Variants in GPT observed in about 807,000 individuals in gnomAD.
GPT encodes glutamic--pyruvic transaminase, also known as alanine aminotransferase 1.
GPT carries 60 observed loss-of-function variants against 51.4 expected under a neutral mutation model. The observed-to-expected ratio is 1.17, with a 90% CI of 0.95 to 1.45. GPT has a LOEUF of 1.45. GPT is among the 40% of genes most tolerant of loss of function. The pLI, the probability that GPT is intolerant of heterozygous loss-of-function variation, is 0.00. For synonymous variants in GPT, 397 were observed against 303.1 expected, an observed-to-expected ratio of 1.31 and a Z score of -3.22; for missense variants, 853 against 704.0, an observed-to-expected ratio of 1.21 and a Z score of -2.40.
chr8:144,504,750 C>T (rs377705965), intron 2 of GPT, 21 bp from the exon 3 acceptor site: 7 of 1,613,048 alleles, frequency 4.3e-6, no homozygotes, highest in African/African-American at 2.7e-5. Context: ...GTGCCCTGGC[C>T]TCAGCACTCC....
In GPT at chr8:144,504,672, G is replaced by A. The variant is rs116684584; in HGVS notation, c.231G>A (p.Arg77=). 8.3e-4 allele frequency: 1,342 copies of A among 1,613,276 alleles called. 17 individuals are homozygous for A. In the African/African-American group the frequency reaches 0.014, roughly 17 times the overall value. ...GGGACGCACAGGCTATGGGGCAGAG[G>A]CCCATCACCTTCCTGCGCCAGGTGA... ...NIGDAQAMGQ[R]PITFLRQVLA... The change falls in exon 2 of 11, where the codon AGG becomes AGA. Residue 77 remains arginine (R), a synonymous_variant. Transcript: ENST00000394955.
chr8:144,506,723 G>A lies in GPT; in HGVS notation c.1288-8G>A, dbSNP rs1243215630. ...GGGCATCCCTCTCTGACGGCTCTCC[G>A]TCCACAGGAGCTGGGCCTGGCCCCC... On this transcript the variant is annotated splice_polypyrimidine_tract_variant and splice_region_variant and intron_variant, in intron 9 of 10. Coordinates refer to ENST00000394955, the MANE Select transcript of GPT (RefSeq NM_005309.3). The surrounding 1 kb of genome is among the most constrained non-coding windows in gnomAD (Gnocchi z 7.0). The A allele has an allele frequency of 1.2e-6, 2 of 1,610,112 alleles. No individual in the cohort carries two copies. The highest frequency in any genetic ancestry group is 8.5e-7 in the Non-Finnish European group (1 of 1,179,354).
rs199690645 is a variant in GPT at position 144,506,767 on chromosome 8, C to T, written c.1324C>T (p.Arg442Cys). 22 of 1,612,244 alleles carry T rather than the reference C, an allele frequency of 1.4e-5. No individual in the cohort carries two copies. Among genetic ancestry groups the T allele is most frequent in the Admixed American group, 5.0e-5 (3 of 59,998 alleles). ...GLAPDMFFCL[R>C]LLEETGICVV... ...GGCCCCCGATATGTTCTTCTGCCTG[C>T]GCCTCCTGGAGGAGACCGGCATCTG... Residue 442 changes from arginine (R) to cysteine (C), a missense_variant, in exon 10 of 11, where the codon CGC (arginine) becomes TGC (cysteine). Coordinates refer to ENST00000394955, the MANE Select transcript of GPT (RefSeq NM_005309.3). The surrounding 1 kb of genome is among the most constrained non-coding windows in gnomAD (Gnocchi z 7.0).
rs1826857816 is a variant in GPT at position 144,507,167 on chromosome 8, A to C, written c.*167A>C. 3.0e-6 allele frequency: 2 copies of C among 658,208 alleles called. No homozygotes were observed. Among genetic ancestry groups the C allele is most frequent in the Admixed American group, 2.2e-5 (1 of 45,816 alleles). 40.8% of individuals were successfully genotyped at this position (658,208 alleles called of 1,614,324 possible). On this transcript the variant is annotated 3_prime_UTR_variant, in exon 11 of 11. Transcript: ENST00000394955. Reference sequence around the variant, plus strand: ...CCTAATAAAGCTGTGTGGCAGTCTGACTCCAGGGAGGAAGCGTTGGCAGCT... The same window carrying C: ...CCTAATAAAGCTGTGTGGCAGTCTGCCTCCAGGGAGGAAGCGTTGGCAGCT...
Position 144,505,054 on chromosome 8 carries a change from A to C in GPT, c.418A>C (p.Ile140Leu). 12 of 1,613,154 alleles carry C rather than the reference A, an allele frequency of 7.4e-6. No individual in the cohort carries two copies. The highest frequency in any genetic ancestry group is 3.3e-5 in the South Asian group (3 of 91,082). ...GATCCGGGAGGACGTGGCGCGGTAC[A>C]TTGAGAGGCGTGACGGAGGCATCCC... ...QLIREDVARY[I>L]ERRDGGIPAD... Residue 140 changes from isoleucine (I) to leucine (L), a missense_variant, in exon 4 of 11, where the codon ATT (isoleucine) becomes CTT (leucine). Physicochemically the swap from Ile to Leu is conservative, Grantham distance 5. Transcript: ENST00000394955.
In GPT at chr8:144,507,045, C is replaced by G. The variant is rs370530302; in HGVS notation, c.*45C>G. 15 of 1,271,586 alleles carry G rather than the reference C, an allele frequency of 1.2e-5. No individual in the cohort carries two copies. In the East Asian group the frequency reaches 1.9e-4, roughly 16 times the overall value. The allele number at this position is 1,271,586 out of a possible 1,614,324, so 78.8% of individuals were successfully genotyped here. A position where few individuals can be genotyped will look rare whatever the true frequency, so the allele number is the denominator to read the frequency against. On this transcript the variant is annotated 3_prime_UTR_variant, in exon 11 of 11. Coordinates refer to ENST00000394955, the MANE Select transcript of GPT (RefSeq NM_005309.3). ...GCTGGGTCGCCCTGGACTGTGTGCT[C>G]AGGAGCCCTGGGAGGCTCTGGAGCC...
chr8:144,506,655 A>G lies in GPT; in HGVS notation c.1286A>G (p.Gln429Arg). ...CCCCCGCGGGCGGTGGAGCGCGCTC[A>G]GGTCAGGCGGGGGCGGGGCCTGCGG... ...QLPPRAVERA[Q>R]ELGLAPDMFF... Residue 429 changes from glutamine to arginine, a missense_variant and splice_region_variant, in exon 9 of 11, where the codon CAG (glutamine) becomes CGG (arginine). Physicochemically the swap from Gln to Arg is conservative, Grantham distance 43. Coordinates refer to ENST00000394955, the MANE Select transcript of GPT (RefSeq NM_005309.3). The surrounding 1 kb of genome is among the most constrained non-coding windows in gnomAD (Gnocchi z 7.0). The G allele has an allele frequency of 1.5e-6, 2 of 1,305,150 alleles. No individual in the cohort carries two copies. The highest frequency in any genetic ancestry group is 2.0e-6 in the Non-Finnish European group (2 of 982,650). 80.8% of individuals were successfully genotyped at this position (1,305,150 alleles called of 1,614,324 possible). A position where few individuals can be genotyped will look rare whatever the true frequency, so the allele number is the denominator to read the frequency against.
Position 144,506,160 on chromosome 8 carries a change from C to A in GPT, c.956+29C>A. The A allele has an allele frequency of 6.2e-7, 1 of 1,605,220 alleles. No individual in the cohort carries two copies. ...CGTGCGTACGAGGCGGGTGGGGGCT[C>A]GCGGGCCATGGCCAGGCCCTCCTCG... On this transcript the variant is annotated intron_variant, in intron 7 of 10. Transcript: ENST00000394955. The surrounding 1 kb of genome is among the most constrained non-coding windows in gnomAD (Gnocchi z 7.0).
At position 144,505,232 on chromosome 8, in the gene GPT, C is replaced by T; in HGVS notation, c.496-14C>T. On this transcript the variant is annotated splice_polypyrimidine_tract_variant and intron_variant, in intron 4 of 10. Coordinates refer to ENST00000394955, the MANE Select transcript of GPT (RefSeq NM_005309.3). ...CAGGCCTCGCCAACCCTGCCTTCCC[C>T]TTCCTTTCCGCAGACGGTGCTGAAG... 1.9e-6 allele frequency: 3 copies of T among 1,610,114 alleles called. No homozygotes were observed. Among genetic ancestry groups the T allele is most frequent in the Middle Eastern group, 1.7e-4 (1 of 6,060 alleles).
chr8:144,506,867 G>GTC lies in GPT; in HGVS notation c.1400+25_1400+26dup, dbSNP rs770942460. The GTC allele has an allele frequency of 1.2e-6, 2 of 1,612,096 alleles. No individual in the cohort carries two copies. The highest frequency in any genetic ancestry group is 2.2e-5 in the South Asian group (2 of 91,062). On this transcript the variant is annotated intron_variant, in intron 10 of 10. Coordinates refer to ENST00000394955, the MANE Select transcript of GPT (RefSeq NM_005309.3). The surrounding 1 kb of genome is among the most constrained non-coding windows in gnomAD (Gnocchi z 7.0). Reference sequence around the variant, plus strand: ...CGGTGAGGCCTGGCCCTCACTCCCTGTCCCGCCACCCTGGCCCTTCACTCA... The same window carrying GTC: ...CGGTGAGGCCTGGCCCTCACTCCCTGTCTCCCGCCACCCTGGCCCTTCACTCA...
Position 144,506,635 on chromosome 8 carries a change from G to A in GPT, c.1266G>A (p.Pro422=), listed in dbSNP as rs961203940. 23 of 1,558,778 alleles carry A rather than the reference G, an allele frequency of 1.5e-5. No individual in the cohort carries two copies. The highest frequency in any genetic ancestry group is 4.7e-5 in the East Asian group (2 of 42,168). The change falls in exon 9 of 11, where the codon CCG becomes CCA. Residue 422 remains proline, a synonymous_variant. Transcript: ENST00000394955. The surrounding 1 kb of genome is among the most constrained non-coding windows in gnomAD (Gnocchi z 7.0). ...MYSFPRVQLP[P]RAVERAQELG... is the part of the protein sequence containing the mutation. The stretch of plus-strand genomic sequence containing the variant: ...CCTTCCCGCGCGTGCAGCTGCCCCC[G>A]CGGGCGGTGGAGCGCGCTCAGGTCA...
In GPT at chr8:144,506,469, T is replaced by C. The variant is rs762814084; in HGVS notation, c.1132-32T>C. On this transcript the variant is annotated intron_variant, in intron 8 of 10. Transcript: ENST00000394955. This position sits in a 1 kb window ranked among gnomAD's most constrained non-coding sequence, Gnocchi z 7.0. ...CAGGGGTGGGGGATGCCGAGTGCCGTGCCCTGATGGGCCCTCCCTCCGCGG... is the reference window on the plus strand; with the variant it reads ...CAGGGGTGGGGGATGCCGAGTGCCGCGCCCTGATGGGCCCTCCCTCCGCGG... 1 of 1,583,132 alleles carries C rather than the reference T, an allele frequency of 6.3e-7. No homozygotes were observed. The highest frequency in any genetic ancestry group is 8.6e-7 in the Non-Finnish European group (1 of 1,165,870).
At position 144,506,021 on chromosome 8, in the gene GPT, G is replaced by C; in HGVS notation, c.846G>C (p.Ala282=). 2 of 1,612,412 alleles carry C rather than the reference G, an allele frequency of 1.2e-6. No individual in the cohort carries two copies. The highest frequency in any genetic ancestry group is 1.3e-5 in the African/African-American group (1 of 75,038). ...DEVYQDNVYA[A]GSQFHSFKKV... is the part of the protein sequence containing the mutation. Reference sequence around the variant, plus strand: ...TGTACCAGGACAACGTGTACGCCGCGGGTTCGCAGTTCCACTCATTCAAGA... The same window carrying C: ...TGTACCAGGACAACGTGTACGCCGCCGGTTCGCAGTTCCACTCATTCAAGA... Residue 282 remains alanine, a synonymous_variant, in exon 7 of 11, where the codon GCG becomes GCC. Coordinates refer to ENST00000394955, the MANE Select transcript of GPT (RefSeq NM_005309.3). This position sits in a 1 kb window ranked among gnomAD's most constrained non-coding sequence, Gnocchi z 7.0.
intron 5 of GPT, 92 bp from the exon 6 acceptor site, chr8:144,505,756 G>C: frequency 2.0e-6 from 2 of 1,011,958 alleles, no homozygotes; most frequent in Non-Finnish European, 2.7e-6. Flanking sequence ...CCCTGGCCCA[G>C]GCAGTGCCGG....
At position 144,506,691 on chromosome 8, in the gene GPT, G is replaced by GC. The variant is rs1564779118; in HGVS notation, c.1287+35_1287+36insC. 6.3e-7 allele frequency: 1 copy of GC among 1,592,210 alleles called. No homozygotes were observed. Among genetic ancestry groups the GC allele is most frequent in the Admixed American group, 1.7e-5 (1 of 58,026 alleles). ...GGGCGGGGCCTGCGGGGTGGGCAGG[G>GC]GGGGCCGGGCATCCCTCTCTGACGG... On this transcript the variant is annotated intron_variant, in intron 9 of 10. Coordinates refer to ENST00000394955, the MANE Select transcript of GPT (RefSeq NM_005309.3). This position sits in a 1 kb window ranked among gnomAD's most constrained non-coding sequence, Gnocchi z 7.0.
chr8:144,506,189 G>T lies in GPT; in HGVS notation c.957-43G>T, dbSNP rs1353090306. On this transcript the variant is annotated intron_variant, in intron 7 of 10. Transcript: ENST00000394955. This position sits in a 1 kb window ranked among gnomAD's most constrained non-coding sequence, Gnocchi z 7.0. ...GGCCATGGCCAGGCCCTCCTCGCCC[G>T]ATGGGCCACCCCCTCCTCCGCACCT... The T allele has an allele frequency of 1.7e-5, 27 of 1,600,608 alleles. No homozygotes were observed. Among genetic ancestry groups the T allele is most frequent in the Non-Finnish European group, 2.1e-5 (25 of 1,174,950 alleles).
At position 144,505,860 on chromosome 8, in the gene GPT, C is replaced by G. The variant is rs1427378857; in HGVS notation, c.752C>G (p.Thr251Ser). The G allele has an allele frequency of 6.4e-7, 1 of 1,551,790 alleles. No individual in the cohort carries two copies. The highest frequency in any genetic ancestry group is 1.9e-5 in the Admixed American group (1 of 51,406). Residue 251 changes from threonine (T) to serine (S), a missense_variant, in exon 6 of 11, where the codon ACC (threonine) becomes AGC (serine). Thr to Ser is a moderately conservative substitution (Grantham distance 58, BLOSUM62 1). Transcript: ENST00000394955. ...CCCGGCACCCCAGGGCAGGTGCAGA[C>G]CCGCGAGTGCATCGAGGCCGTGATC... ...NPGNPTGQVQ[T>S]RECIEAVIRF... is the part of the protein sequence containing the mutation.
chr8:144,506,329 G>T lies in GPT; in HGVS notation c.1054G>T (p.Val352Leu), dbSNP rs1826803937. ...GATGAGTGTGCGGCTGTGCCCGCCG[G>T]TGCCAGGACAGGCCCTGCTGGACCT... ...KLMSVRLCPP[V>L]PGQALLDLVV... The change falls in exon 8 of 11, where the codon GTG (valine) becomes TTG (leucine). Residue 352 changes from valine to leucine, a missense_variant. Coordinates refer to ENST00000394955, the MANE Select transcript of GPT (RefSeq NM_005309.3). The surrounding 1 kb of genome is among the most constrained non-coding windows in gnomAD (Gnocchi z 7.0). 1.3e-6 allele frequency: 2 copies of T among 1,582,124 alleles called. No homozygotes were observed.
rs754006020 is a variant in GPT, at chr8:144,504,998, GGGCCTACAGCGTCAGCTCC to G, written c.366_384del (p.Tyr123SerfsTer3). ...CCCATCCTGTCCTGCCCGAGTCCAG[GGGCCTACAGCGTCAGCTCC>G]GGCATCCAGCTGATCCGGGAGGACG... is the stretch of plus-strand genomic sequence containing the variant. On this transcript the variant is annotated frameshift_variant and splice_region_variant, in exon 4 of 11. Transcript: ENST00000394955. LOFTEE classifies it high-confidence loss of function. 6.2e-6 allele frequency: 10 copies of G among 1,612,950 alleles called. No homozygotes were observed. Among genetic ancestry groups the G allele is most frequent in the Admixed American group, 3.3e-5 (2 of 60,008 alleles).
Sources: gnomAD v4.1 joint callset for allele counts on GRCh38, gnomAD v4.1.1 for gene constraint, Gnocchi (gnomAD v3.1) non-coding constraint, MANE v1.5 for transcripts, NCBI Gene and HGNC (gene_info 2026-07-23, HGNC 2026-07-21) for gene names.